The following SYNJ2BP variants were observed in gnomAD, a reference collection of about 807,000 sequenced individuals.
SYNJ2BP encodes the protein synaptojanin-2-binding protein.
In SYNJ2BP, 10 loss-of-function variants were observed where a neutral mutation model predicts 16.9. The ratio of observed to expected loss-of-function variants is 0.59; its 90% CI spans 0.36 to 1.00. The LOEUF is 1.00. SYNJ2BP is among the 50% of genes least tolerant of loss of function. The pLI, the probability that SYNJ2BP is intolerant of heterozygous loss-of-function variation, is 0.01. For missense variants in SYNJ2BP, 162 were observed against 186.7 expected (o/e 0.87, Z 0.77); for synonymous variants, 54 against 68.4 (o/e 0.79, Z 1.04).
chr14:70,388,494 G>A lies in SYNJ2BP; in HGVS notation c.177C>T (p.Leu59=). The change falls in exon 2 of 4, where the codon CTC becomes CTT. Residue 59 remains leucine, a synonymous_variant. Coordinates refer to ENST00000256366, the MANE Select transcript of SYNJ2BP (RefSeq NM_018373.3). The part of the protein sequence containing the change: ...ENGAAALDGR[L]QEGDKILSVN... ...CCGAAAGGATCTTATCACCCTCCTG[G>A]AGCCGCCCATCCAGGGCCGCAGCCC... 1.9e-6 allele frequency: 3 copies of A among 1,586,758 alleles called. No individual in the cohort carries two copies. Among genetic ancestry groups the A allele is most frequent in the Non-Finnish European group, 2.6e-6 (3 of 1,168,416 alleles).
At chr14:70,414,849 T>C (rs867315971) in intron 1 of SYNJ2BP, among the ~76,000 whole-genome samples, 3 of 152,178 alleles carry the variant, frequency 2.0e-5, no homozygotes, top group Non-Finnish European at 4.4e-5. Context: ...TATCAATGGA[T>C]GAAAAGTACA....
intron 1 of SYNJ2BP, among the ~76,000 whole-genome samples, chr14:70,398,242 T>A (rs2332371): frequency 0.87 from 132,975 of 152,162 alleles, 58,168 homozygotes; most frequent in East Asian, 0.93. Context: ...AGGCACCACA[T>A]GTACCCATTC....
intron 1 of SYNJ2BP, among the ~76,000 whole-genome samples, chr14:70,401,652 T>C (rs1416477031): frequency 6.6e-6 from 1 of 151,840 alleles, no homozygotes; most frequent in African/African-American, 2.4e-5. Flanking sequence ...CACTGGCCTT[T>C]TACAAAATTT....
chr14:70,407,836 C>T (rs1162345276), intron 1 of SYNJ2BP, among the ~76,000 whole-genome samples: 1 of 152,208 alleles, frequency 6.6e-6, no homozygotes, highest in Admixed American at 6.5e-5. Flanking sequence ...TGGATGTCTT[C>T]TTCCCTTTGC....
intron 2 of SYNJ2BP, 117 bp downstream of exon 2, chr14:70,388,353 A>G (rs1359356964): frequency 2.2e-6 from 3 of 1,341,096 alleles, no homozygotes; most frequent in African/African-American, 3.0e-5. Context: ...TTCCCATTCA[A>G]CTCTACAACC....
chr14:70,388,047 C>A (rs74065333), intron 2 of SYNJ2BP, among the ~76,000 whole-genome samples: 2 of 152,228 alleles, frequency 1.3e-5, no homozygotes, highest in South Asian at 2.1e-4. Flanking sequence ...TAACTCCAAC[C>A]TTCCTTCTTT....
At chr14:70,412,496 T>C (rs1888495524) in intron 1 of SYNJ2BP, among the ~76,000 whole-genome samples, 1 of 147,220 alleles carries the variant, frequency 6.8e-6, no homozygotes, top group Non-Finnish European at 1.5e-5. Flanking sequence ...TATATGTATG[T>C]ATAGTATATA....
intron 1 of SYNJ2BP, among the ~76,000 whole-genome samples, chr14:70,407,305 G>A (rs980566212): frequency 2.0e-5 from 3 of 152,050 alleles, no homozygotes; most frequent in Admixed American, 2.0e-4. Context: ...GCAGGCGCCT[G>A]TAGTCCCAGC....
chr14:70,401,122 A>G (rs984471579), intron 1 of SYNJ2BP, among the ~76,000 whole-genome samples: 2 of 152,240 alleles, frequency 1.3e-5, no homozygotes, highest in Non-Finnish European at 2.9e-5. Flanking sequence ...AGCAACAGCC[A>G]AAACAGGGAT....
intron 1 of SYNJ2BP, among the ~76,000 whole-genome samples, chr14:70,396,615 T>G (rs1888104611): frequency 6.6e-6 from 1 of 151,362 alleles, no homozygotes; most frequent in Non-Finnish European, 1.5e-5. Context: ...TGTATATATA[T>G]GTATATTTAT....
intron 1 of SYNJ2BP, among the ~76,000 whole-genome samples, chr14:70,389,513 T>C (rs1364221383): frequency 1.3e-5 from 2 of 152,092 alleles, no homozygotes; most frequent in African/African-American, 4.8e-5. Context: ...CTTCGCTACT[T>C]CAAGTACAAC....
intron 1 of SYNJ2BP, among the ~76,000 whole-genome samples, chr14:70,392,063 G>A (rs1442869153): frequency 6.6e-6 from 1 of 152,210 alleles, no homozygotes; most frequent in Non-Finnish European, 1.5e-5. Context: ...AAAAATTACT[G>A]ATTGAATCTT....
At chr14:70,412,853 T>A (rs948560452) in intron 1 of SYNJ2BP, among the ~76,000 whole-genome samples, 1 of 152,176 alleles carries the variant, frequency 6.6e-6, no homozygotes, top group East Asian at 1.9e-4. Flanking sequence ...AGTAAGGTTG[T>A]CTTTATGGCC....
At chr14:70,401,728 A>T (rs1888242190) in intron 1 of SYNJ2BP, among the ~76,000 whole-genome samples, 2 of 151,942 alleles carry the variant, frequency 1.3e-5, no homozygotes, top group Middle Eastern at 3.4e-3. Context: ...CTGCAGCCTC[A>T]ATCGCCCAGG....
chr14:70,374,940 T>G (rs901915307), intron 3 of SYNJ2BP, among the ~76,000 whole-genome samples: 2 of 50,208 alleles, frequency 4.0e-5, no homozygotes, highest in Admixed American at 1.8e-4. Flanking sequence ...TAAAATTTTT[T>G]ATTTATTTTT....
At chr14:70,398,788 G>A (rs1387003275) in intron 1 of SYNJ2BP, among the ~76,000 whole-genome samples, 1 of 152,162 alleles carries the variant, frequency 6.6e-6, no homozygotes, top group Non-Finnish European at 1.5e-5. Flanking sequence ...CCTGGGGTGG[G>A]GGCTCCAGGT....
chr14:70,413,286 G>A (rs1291466698), intron 1 of SYNJ2BP, among the ~76,000 whole-genome samples: 1 of 152,218 alleles, frequency 6.6e-6, no homozygotes, highest in Non-Finnish European at 1.5e-5. Context: ...GCAGACAACA[G>A]GAGAGATTCC....
chr14:70,388,330 C>A (rs1887904690), intron 2 of SYNJ2BP, 140 bp downstream of exon 2: 13 of 1,272,488 alleles, frequency 1.0e-5, no homozygotes, highest in Non-Finnish European at 1.3e-5. Context: ...GAAAGAATGA[C>A]TGATCAAAGT....
chr14:70,375,869 G>C, intron 2 of SYNJ2BP, 98 bp from the exon 3 acceptor site: 2 of 1,495,378 alleles, frequency 1.3e-6, no homozygotes, highest in Non-Finnish European at 1.8e-6. Context: ...AACTCCTTCA[G>C]AGCAAATTGC....
Sources: allele counts gnomAD v4.1 joint callset (sites outside exome capture counted in the v4.1 genomes callset), GRCh38; gene constraint gnomAD v4.1.1; transcripts MANE v1.5; gene names NCBI Gene and HGNC (gene_info 2026-07-23, HGNC 2026-07-21).